Variants in SYN3 observed in about 807,000 individuals in gnomAD.
SYN3 encodes the protein synapsin III, also known as synapsin-3.
In SYN3, 35 loss-of-function variants were observed where a neutral mutation model predicts 65.8. That is an observed-to-expected ratio of 0.53 (90% CI 0.41 to 0.70). The LOEUF is 0.70. Ranked by LOEUF, SYN3 falls within the 30% of genes least tolerant of loss-of-function variation. SYN3 has a pLI of 0.00. For synonymous variants in SYN3, 270 were observed against 292.9 expected (o/e 0.92, Z 0.80); for missense variants, 680 against 749.0 (o/e 0.91, Z 1.08).
chr22:32,543,670 C>T (rs968400632), intron 7 of SYN3, among the ~76,000 whole-genome samples: 7 of 152,172 alleles, frequency 4.6e-5, no homozygotes, highest in Admixed American at 1.3e-4. Context: ...CCTCCTCAGC[C>T]AGAGATTACT....
At chr22:32,858,579 T>G (rs966882686) in intron 6 of SYN3, among the ~76,000 whole-genome samples, 2 of 152,090 alleles carry the variant, frequency 1.3e-5, no homozygotes, top group African/African-American at 4.8e-5. Flanking sequence ...ACAGAAGGTC[T>G]CTCTTTACCA....
intron 7 of SYN3, among the ~76,000 whole-genome samples, chr22:32,590,157 C>T (rs2059108666): frequency 6.6e-6 from 1 of 152,202 alleles, no homozygotes; most frequent in East Asian, 1.9e-4. Flanking sequence ...CTTCCGTCCT[C>T]TCCGAAGATA....
chr22:32,957,194 C>G (rs569089232), intron 3 of SYN3, among the ~76,000 whole-genome samples: 2 of 152,142 alleles, frequency 1.3e-5, no homozygotes. Flanking sequence ...TCCAGAAGCA[C>G]GAGGGCTCCA....
Position 32,520,763 on chromosome 22 carries a change from C to A in SYN3, c.1319-2429G>T, listed in dbSNP as rs927806825. ...TTCAGAGGACATGCCACCTGTATAA[C>A]CTCCATGACCTGTGGAGTCTGGTGG... is the stretch of plus-strand genomic sequence containing the variant. On this transcript the variant is annotated intron_variant, in intron 12 of 13. Coordinates refer to ENST00000358763, the MANE Select transcript of SYN3 (RefSeq NM_003490.4). 2.6e-5 allele frequency among the ~76,000 whole-genome samples: 4 copies of A among 152,134 alleles called. No individual in the cohort carries two copies. The East Asian group carries it at 7.7e-4, about 29-fold the overall frequency.
intron 6 of SYN3, among the ~76,000 whole-genome samples, chr22:32,844,332 C>A (rs1489356984): frequency 2.0e-5 from 3 of 152,176 alleles, no homozygotes; most frequent in Non-Finnish European, 4.4e-5. Context: ...GAAACTCAAT[C>A]CCAATTGCCA....
chr22:32,836,137 A>G (rs117001131), intron 6 of SYN3, among the ~76,000 whole-genome samples: 2,471 of 152,300 alleles, frequency 0.016, 22 homozygotes, highest in Non-Finnish European at 0.026. Flanking sequence ...TTTTCTTCCT[A>G]TACTCAGTGG....
At chr22:32,982,424 A>AC (rs568109851) in intron 2 of SYN3, among the ~76,000 whole-genome samples, 61 of 151,702 alleles carry the variant, frequency 4.0e-4, no homozygotes, top group African/African-American at 1.4e-3. Flanking sequence ...ATCCCTATCT[A>AC]CCCATTGTTT....
At chr22:32,672,538 T>C (rs2147071955) in intron 6 of SYN3, among the ~76,000 whole-genome samples, 1 of 152,318 alleles carries the variant, frequency 6.6e-6, no homozygotes, top group South Asian at 2.1e-4. Flanking sequence ...CCAATGTTCC[T>C]GCTGCTTGGG....
intron 6 of SYN3, among the ~76,000 whole-genome samples, chr22:32,684,793 G>A (rs1285713311): frequency 6.6e-6 from 1 of 152,190 alleles, no homozygotes; most frequent in Admixed American, 6.5e-5. Context: ...GAAAATGTGG[G>A]TTCAAGTTCC....
At chr22:32,585,425 G>C (rs1251685855) in intron 7 of SYN3, among the ~76,000 whole-genome samples, 2 of 152,174 alleles carry the variant, frequency 1.3e-5, no homozygotes, top group African/African-American at 4.8e-5. Context: ...ACTTTCTAAT[G>C]CACTTTTATT....
At chr22:32,562,286 C>T (rs1292262101) in intron 7 of SYN3, among the ~76,000 whole-genome samples, 4 of 152,244 alleles carry the variant, frequency 2.6e-5, no homozygotes, top group African/African-American at 9.6e-5. Flanking sequence ...CGCCCTTTCC[C>T]ACCTTCATTG....
intron 6 of SYN3, among the ~76,000 whole-genome samples, chr22:32,710,051 C>A (rs1199297441): frequency 6.8e-6 from 1 of 146,644 alleles, no homozygotes; most frequent in African/African-American, 2.5e-5. Context: ...GTTTCTAAGT[C>A]AAAGAATATG....
At chr22:32,807,377 T>TAATATATAAATATATAATATATA (rs2046783482) in intron 6 of SYN3, among the ~76,000 whole-genome samples, 1 of 108,754 alleles carries the variant, frequency 9.2e-6, no homozygotes, top group African/African-American at 4.1e-5. Context: ...ATATTATATA[T>TAATATATAAATATATAATATATA]AATATATATT....
intron 4 of SYN3, among the ~76,000 whole-genome samples, chr22:32,880,154 T>A (rs2049090635): frequency 6.6e-6 from 1 of 152,230 alleles, no homozygotes; most frequent in African/African-American, 2.4e-5. Flanking sequence ...GAATCACGAT[T>A]ACTCATTATT....
intron 6 of SYN3, among the ~76,000 whole-genome samples, chr22:32,748,411 G>T (rs1027143649): frequency 6.6e-6 from 1 of 152,130 alleles, no homozygotes; most frequent in African/African-American, 2.4e-5. Context: ...AATAAAACAA[G>T]GTTGACAACA....
intron 6 of SYN3, among the ~76,000 whole-genome samples, chr22:32,832,580 C>T (rs1601486841): frequency 6.6e-6 from 1 of 150,380 alleles, no homozygotes. Context: ...TACTTGGCCA[C>T]CCAGATGAGT....
At chr22:32,649,911 C>T (rs1447063832) in intron 6 of SYN3, among the ~76,000 whole-genome samples, 1 of 152,034 alleles carries the variant, frequency 6.6e-6, no homozygotes, top group Non-Finnish European at 1.5e-5. Flanking sequence ...CTCACTGGGC[C>T]TTGTGGGAAT....
intron 6 of SYN3, among the ~76,000 whole-genome samples, chr22:32,856,882 A>C (rs1161160149): frequency 6.6e-6 from 1 of 152,080 alleles, no homozygotes; most frequent in Non-Finnish European, 1.5e-5. Context: ...TTACTTTCTT[A>C]GCTCCCACAT....
At chr22:32,593,797 T>G (rs578212088) in intron 7 of SYN3, among the ~76,000 whole-genome samples, 1 of 152,092 alleles carries the variant, frequency 6.6e-6, no homozygotes, top group Non-Finnish European at 1.5e-5. Context: ...CAGCTGAAGC[T>G]GAGGTAGCTG....
Sources: allele counts gnomAD v4.1 joint callset (sites outside exome capture counted in the v4.1 genomes callset), GRCh38; gene constraint gnomAD v4.1.1; transcripts MANE v1.5; gene names NCBI Gene and HGNC (gene_info 2026-07-23, HGNC 2026-07-21).